The following SLIT3 variants were observed in gnomAD, a reference collection of about 807,000 sequenced individuals.
The protein encoded by SLIT3 is slit guidance ligand 3.
In SLIT3, 68 loss-of-function variants were observed where a neutral mutation model predicts 184.0. That is an observed-to-expected ratio of 0.37 (90% CI 0.30 to 0.45). The LOEUF (loss-of-function observed/expected upper bound fraction) is 0.45. Ranked by LOEUF, SLIT3 falls within the 20% of genes least tolerant of loss-of-function variation. The probability of loss-of-function intolerance (pLI) is 1.00; values close to 1 mark genes in which losing one functional copy is unlikely to be tolerated. For missense variants in SLIT3, 1,707 were observed against 2,026.0 expected (o/e 0.84, Z 3.02); for synonymous variants, 831 against 828.6 (o/e 1.00, Z -0.05).
chr5:168,905,706 T>C (rs1761027106), intron 4 of SLIT3, among the ~76,000 whole-genome samples: 1 of 152,196 alleles, frequency 6.6e-6, no homozygotes, highest in Non-Finnish European at 1.5e-5. Flanking sequence ...GAATTCCACA[T>C]GTCTGTCTGC....
Position 168,883,339 on chromosome 5 carries a change from A to G in SLIT3, c.414-3T>C. ...GGATCTGGTTTTCACTCAAATCTCT[A>G]AACAAGAAGAGAAGAGGCACACTGC... On this transcript the variant is annotated splice_polypyrimidine_tract_variant and splice_region_variant and intron_variant, in intron 4 of 35. Transcript: ENST00000519560. The G allele has an allele frequency of 6.2e-7, 1 of 1,612,376 alleles. No homozygotes were observed. Among genetic ancestry groups the G allele is most frequent in the Non-Finnish European group, 8.5e-7 (1 of 1,178,502 alleles).
intron 12 of SLIT3, 64 bp from the exon 13 acceptor site, chr5:168,774,442 G>C (rs981942856): frequency 1.2e-5 from 18 of 1,498,748 alleles, no homozygotes; most frequent in Non-Finnish European, 1.6e-5. Flanking sequence ...GGCAAGGGTT[G>C]CACCTGCAGG....
intron 20 of SLIT3, among the ~76,000 whole-genome samples, chr5:168,736,962 G>A (rs949416800): frequency 6.6e-6 from 1 of 152,222 alleles, no homozygotes; most frequent in Non-Finnish European, 1.5e-5. Flanking sequence ...CACTTGCCTT[G>A]AAGAGTTGTT....
Position 168,806,431 on chromosome 5 carries a change from G to C in SLIT3, c.935+15C>G. 1 of 1,614,102 alleles carries C rather than the reference G, an allele frequency of 6.2e-7. No homozygotes were observed. Among genetic ancestry groups the C allele is most frequent in the Middle Eastern group, 1.7e-4 (1 of 6,060 alleles). The stretch of plus-strand genomic sequence containing the variant: ...CCGGCGACAGTTGTTGGGGGTGTCA[G>C]ACAGGTGCACTTACATTTCGACGAT... On this transcript the variant is annotated intron_variant, in intron 9 of 35. Transcript: ENST00000519560.
chr5:168,666,856 A>G, intron 35 of SLIT3, 167 bp from the exon 36 acceptor site: 3 of 1,128,612 alleles, frequency 2.7e-6, no homozygotes, highest in Non-Finnish European at 3.9e-6. Flanking sequence ...TATTTTACAA[A>G]CAGGTGCCTT....
chr5:169,219,894 G>A (rs1029148833), intron 3 of SLIT3, among the ~76,000 whole-genome samples: 5 of 152,118 alleles, frequency 3.3e-5, no homozygotes, highest in Admixed American at 3.3e-4. Context: ...TTGAGATCTC[G>A]AAAAGTCTCC....
chr5:168,984,316 C>G (rs533617907), intron 4 of SLIT3, among the ~76,000 whole-genome samples: 1 of 152,184 alleles, frequency 6.6e-6, no homozygotes, highest in East Asian at 1.9e-4. Flanking sequence ...TGATGCAGAG[C>G]TCCTCAAATT....
rs755312911 is a variant in SLIT3, at chr5:168,789,562, C to T, written c.1077G>A (p.Ser359=). 8.7e-6 allele frequency: 14 copies of T among 1,612,176 alleles called. No homozygotes were observed. In the East Asian group the frequency reaches 8.9e-5, roughly 10 times the overall value. The change falls in exon 11 of 36, where the codon TCG becomes TCA. Residue 359 remains serine, a splice_region_variant and synonymous_variant. Transcript: ENST00000519560. ...GCCCCAACTCGGGCCCCACTTACAG[C>T]GATGTGAGTGATTTCAGGCCCTGGA... ...DAFQGLKSLT[S]LVLYGNKITE...
chr5:169,261,230 T>C (rs1028615066), intron 1 of SLIT3, among the ~76,000 whole-genome samples: 4 of 152,134 alleles, frequency 2.6e-5, no homozygotes, highest in African/African-American at 9.7e-5. Flanking sequence ...CAGGTGACAT[T>C]TTAATTGAGA....
At chr5:169,061,559 C>T (rs941438850) in intron 4 of SLIT3, among the ~76,000 whole-genome samples, 3 of 152,198 alleles carry the variant, frequency 2.0e-5, no homozygotes, top group East Asian at 1.9e-4. Context: ...GACACATCTG[C>T]GTGGCACCTA....
chr5:169,176,637 T>A (rs543834183), intron 4 of SLIT3, among the ~76,000 whole-genome samples: 3 of 152,200 alleles, frequency 2.0e-5, no homozygotes, highest in South Asian at 2.1e-4. Flanking sequence ...CAGAGATCAG[T>A]AACATTTTTC....
chr5:169,080,212 GCCAAAGTCAGGGC>G (rs1006671586), intron 4 of SLIT3, among the ~76,000 whole-genome samples: 3 of 152,106 alleles, frequency 2.0e-5, no homozygotes, highest in African/African-American at 4.8e-5. Flanking sequence ...GACTAACTAG[GCCAAAGTCAGGGC>G]CCAAAGTCAG....
intron 4 of SLIT3, among the ~76,000 whole-genome samples, chr5:168,988,047 G>A (rs377074336): frequency 6.6e-6 from 1 of 152,226 alleles, no homozygotes; most frequent in African/African-American, 2.4e-5. Flanking sequence ...CACTCCATCA[G>A]AAAGCCTGCG....
intron 26 of SLIT3, among the ~76,000 whole-genome samples, chr5:168,704,339 G>T (rs988857645): frequency 9.4e-5 from 13 of 138,700 alleles, no homozygotes; most frequent in African/African-American, 3.1e-4. Context: ...ACTGAATCCT[G>T]GCACTGAGGT....
intron 3 of SLIT3, among the ~76,000 whole-genome samples, chr5:169,205,795 C>T (rs1389264352): frequency 6.6e-6 from 1 of 152,234 alleles, no homozygotes; most frequent in African/African-American, 2.4e-5. Context: ...CATTAGGCAC[C>T]TTCCAGAGTA....
intron 4 of SLIT3, among the ~76,000 whole-genome samples, chr5:169,157,067 T>A (rs1388951748): frequency 1.3e-5 from 2 of 152,108 alleles, no homozygotes; most frequent in Non-Finnish European, 2.9e-5. Context: ...ACTGGCTGAA[T>A]AGGGAGCCTA....
chr5:168,670,035 G>A (rs780120661), intron 34 of SLIT3, 44 bp from the exon 35 acceptor site: 2 of 1,559,434 alleles, frequency 1.3e-6, no homozygotes, highest in Non-Finnish European at 1.8e-6. Flanking sequence ...GATCAGAGTT[G>A]GTGCTGCTGG....
chr5:169,133,292 C>T (rs1761372100), intron 4 of SLIT3, among the ~76,000 whole-genome samples: 2 of 152,244 alleles, frequency 1.3e-5, no homozygotes, highest in Admixed American at 1.3e-4. Context: ...TGTCAATGCA[C>T]TCTGTGAAGG....
intron 6 of SLIT3, among the ~76,000 whole-genome samples, chr5:168,834,916 C>T (rs1258447429): frequency 5.9e-5 from 9 of 152,052 alleles, no homozygotes; most frequent in Admixed American, 3.9e-4. Context: ...ACCCACACTT[C>T]GCTCCCAGCT....
Sources: allele counts gnomAD v4.1 joint callset (sites outside exome capture counted in the v4.1 genomes callset), GRCh38; gene constraint gnomAD v4.1.1; transcripts MANE v1.5; gene names NCBI Gene and HGNC (gene_info 2026-07-23, HGNC 2026-07-21).